CHD6: variants seen among roughly 807,000 people sequenced by gnomAD.
CHD6 encodes chromodomain helicase DNA binding protein 6.
CHD6 carries 50 observed loss-of-function variants against 276.9 expected under a neutral mutation model. The observed-to-expected ratio is 0.18, with a 90% confidence interval of 0.14 to 0.23. CHD6 has a LOEUF of 0.23. Among genes scored for constraint, CHD6 ranks in the 10% least tolerant of loss-of-function variants. CHD6 has a pLI of 1.00. For synonymous variants in CHD6, 1,173 were observed against 1,229.3 expected (o/e 0.95, Z 0.96); for missense variants, 2,564 against 3,365.8 (o/e 0.76, Z 5.89).
intron 1 of CHD6, among the ~76,000 whole-genome samples, chr20:41,599,867 T>A (rs2045756307): frequency 6.6e-6 from 1 of 152,232 alleles, no homozygotes; most frequent in South Asian, 2.1e-4. Flanking sequence ...ATTGGCCTTA[T>A]TCCATTTTAA....
At chr20:41,606,538 G>A (rs1039592148) in intron 1 of CHD6, among the ~76,000 whole-genome samples, 5 of 151,764 alleles carry the variant, frequency 3.3e-5, no homozygotes, top group African/African-American at 1.2e-4. Context: ...AGCTGGGTGT[G>A]GTGGCAGGCG....
intron 5 of CHD6, among the ~76,000 whole-genome samples, chr20:41,512,025 T>C (rs2044130199): frequency 6.6e-6 from 1 of 152,152 alleles, no homozygotes; most frequent in Non-Finnish European, 1.5e-5. Flanking sequence ...TGGAGTATAA[T>C]GACGCGATCT....
chr20:41,448,965 G>C (rs562132946), intron 23 of CHD6, among the ~76,000 whole-genome samples: 14 of 151,098 alleles, frequency 9.3e-5, no homozygotes, highest in African/African-American at 3.4e-4. Context: ...GCAATGGCGC[G>C]ATCTTGGCTC....
At chr20:41,580,645 CA>C (rs373733112) in intron 1 of CHD6, among the ~76,000 whole-genome samples, 140 of 69,260 alleles carry the variant, frequency 2.0e-3, no homozygotes, top group Admixed American at 2.7e-3. Flanking sequence ...AACCCAGTCT[CA>C]AAAAAAAAAA....
intron 18 of CHD6, among the ~76,000 whole-genome samples, chr20:41,457,025 G>A (rs945803492): frequency 9.9e-5 from 15 of 152,166 alleles, no homozygotes; most frequent in African/African-American, 3.6e-4. Context: ...TTACTGAAAT[G>A]TTACACCAAG....
In CHD6 at chr20:41,413,456, C is replaced by A; in HGVS notation, c.6999G>T (p.Gly2333=). ...CTGGCTCAGGAGCCGAGGTGGCAGG[C>A]CCTGGCCCCTCAGGGTGTGTGGTGC... is the stretch of plus-strand genomic sequence containing the variant. ...TLSTTHPEGP[G]PATSAPEPAT... Residue 2333 remains glycine, a synonymous_variant, in exon 35 of 37, where the codon GGG becomes GGT. Coordinates refer to ENST00000373233, the MANE Select transcript of CHD6 (RefSeq NM_032221.5). 1 of 1,610,070 alleles carries A rather than the reference C, an allele frequency of 6.2e-7. No homozygotes were observed. Among genetic ancestry groups the A allele is most frequent in the Non-Finnish European group, 8.5e-7 (1 of 1,178,894 alleles).
chr20:41,505,298 GA>G (rs1292361563), intron 5 of CHD6, among the ~76,000 whole-genome samples: 4 of 152,130 alleles, frequency 2.6e-5, no homozygotes, highest in Non-Finnish European at 5.9e-5. Flanking sequence ...CCTTCTGTCT[GA>G]ACTCCTAGCT....
At chr20:41,606,304 G>T (rs2146296529) in intron 1 of CHD6, among the ~76,000 whole-genome samples, 1 of 152,294 alleles carries the variant, frequency 6.6e-6, no homozygotes, top group South Asian at 2.1e-4. Context: ...GAGGTCAGGA[G>T]ATCAAGACCA....
intron 3 of CHD6, among the ~76,000 whole-genome samples, chr20:41,519,786 A>C (rs2044342134): frequency 6.6e-6 from 1 of 152,194 alleles, no homozygotes; most frequent in Admixed American, 6.5e-5. Context: ...TGACTAAAAC[A>C]CCAAAAGCAA....
At position 41,525,384 on chromosome 20, in the gene CHD6, T is replaced by C. The variant is rs548551679; in HGVS notation, c.554+7666A>G. Among the ~76,000 whole-genome samples, 11 of 152,312 alleles carry C rather than the reference T, an allele frequency of 7.2e-5. No individual in the cohort carries two copies. The South Asian group carries it at 2.3e-3, about 32-fold the overall frequency. On this transcript the variant is annotated intron_variant, in intron 3 of 36. Coordinates refer to ENST00000373233, the MANE Select transcript of CHD6 (RefSeq NM_032221.5). ...TCCCTTAATCAGCCACCTCCGCTTC[T>C]GGCCTGCCTCCAATCCCTCCTCCAG...
At chr20:41,546,151 A>T (rs2045036700) in intron 2 of CHD6, among the ~76,000 whole-genome samples, 1 of 122,204 alleles carries the variant, frequency 8.2e-6, no homozygotes, top group Admixed American at 7.8e-5. Context: ...ATGCTGAAAA[A>T]CTCAACAAAT....
At chr20:41,594,241 T>C (rs183824470) in intron 1 of CHD6, among the ~76,000 whole-genome samples, 6 of 152,342 alleles carry the variant, frequency 3.9e-5, no homozygotes, top group Admixed American at 3.9e-4. Flanking sequence ...TTCTCCACTA[T>C]GGTATTTTCA....
At chr20:41,474,526 T>C (rs1193946113) in intron 16 of CHD6, among the ~76,000 whole-genome samples, 3 of 152,054 alleles carry the variant, frequency 2.0e-5, no homozygotes, top group Non-Finnish European at 1.5e-5. Context: ...CATGAACTGG[T>C]TAGTGAAGCA....
chr20:41,611,105 G>C (rs1601195952), intron 1 of CHD6, among the ~76,000 whole-genome samples: 1 of 152,106 alleles, frequency 6.6e-6, no homozygotes. Flanking sequence ...ACTATTTTCT[G>C]AACATTCAAA....
rs533678471 is a variant in CHD6 at position 41,559,888 on chromosome 20, C to T, written c.-23-8528G>A. 2.6e-5 allele frequency among the ~76,000 whole-genome samples: 4 copies of T among 151,118 alleles called. No homozygotes were observed. The East Asian group carries it at 7.8e-4, about 29-fold the overall frequency. ...CTTTACACACACACACGCACACATA[C>T]ACACACACACACACTCTCTCTACCT... On this transcript the variant is annotated intron_variant, in intron 1 of 36. Coordinates refer to ENST00000373233, the MANE Select transcript of CHD6 (RefSeq NM_032221.5).
intron 1 of CHD6, among the ~76,000 whole-genome samples, chr20:41,574,778 G>C (rs1568711495): frequency 6.6e-6 from 1 of 152,154 alleles, no homozygotes; most frequent in Admixed American, 6.5e-5. Context: ...CCAAGAAAAA[G>C]AGTTTATAAT....
At chr20:41,497,865 TG>T in intron 7 of CHD6, 1 of 436,086 alleles carries the variant, frequency 2.3e-6, no homozygotes, top group South Asian at 2.8e-5. Context: ...TTCTCTACCC[TG>T]GTTGCATATG....
chr20:41,583,384 TTAAAG>T (rs2045560871), intron 1 of CHD6, among the ~76,000 whole-genome samples: 1 of 151,844 alleles, frequency 6.6e-6, no homozygotes, highest in Non-Finnish European at 1.5e-5. Flanking sequence ...GAGTAATTCT[TTAAAG>T]TAATGAAGGA....
chr20:41,544,861 T>C lies in CHD6; in HGVS notation c.33+6444A>G, dbSNP rs6129862. Reference sequence around the variant, plus strand: ...ATATTTTAGTTAAAATTGTGTCAACTTACATACAATTTACTTTGGTCTTAT... The same window carrying C: ...ATATTTTAGTTAAAATTGTGTCAACCTACATACAATTTACTTTGGTCTTAT... On this transcript the variant is annotated intron_variant, in intron 2 of 36. Coordinates refer to ENST00000373233, the MANE Select transcript of CHD6 (RefSeq NM_032221.5). Among the ~76,000 whole-genome samples, 210 of 152,100 alleles carry C rather than the reference T, an allele frequency of 1.4e-3. 6 individuals are homozygous for C. In the East Asian group the frequency reaches 0.035, roughly 25 times the overall value.
Sources: allele counts gnomAD v4.1 joint callset (sites outside exome capture counted in the v4.1 genomes callset), GRCh38; gene constraint gnomAD v4.1.1; transcripts MANE v1.5; gene names NCBI Gene and HGNC (gene_info 2026-07-23, HGNC 2026-07-21).